Variants in GRID2 observed in about 807,000 individuals in gnomAD.
GRID2 encodes glutamate ionotropic receptor delta type subunit 2, also known as glutamate receptor ionotropic, delta-2.
In GRID2, 33 loss-of-function variants were observed where a neutral mutation model predicts 114.8. That is an observed-to-expected ratio of 0.29 (90% CI 0.22 to 0.38). GRID2 has a LOEUF of 0.38. Among genes scored for constraint, GRID2 ranks in the 10% least tolerant of loss-of-function variants. The pLI is 1.00. For synonymous variants in GRID2, 505 were observed against 449.9 expected (o/e 1.12, Z -1.55); for missense variants, 1,184 against 1,257.7 (o/e 0.94, Z 0.89).
intron 1 of GRID2, among the ~76,000 whole-genome samples, chr4:92,587,361 G>A (rs1040225084): frequency 6.6e-6 from 1 of 151,966 alleles, no homozygotes; most frequent in Non-Finnish European, 1.5e-5. Context: ...ATCTAGATTG[G>A]TAATATTTGT....
At chr4:92,638,392 T>A (rs911463362) in intron 2 of GRID2, among the ~76,000 whole-genome samples, 3 of 149,848 alleles carry the variant, frequency 2.0e-5, no homozygotes, top group African/African-American at 7.3e-5. Flanking sequence ...TCTTGTTAAA[T>A]AAGACTAATA....
chr4:92,444,356 C>T (rs34639512), intron 1 of GRID2, among the ~76,000 whole-genome samples: 11 of 150,932 alleles, frequency 7.3e-5, no homozygotes, highest in African/African-American at 1.7e-4. Flanking sequence ...GGTAGGTAAA[C>T]GAAAATTACA....
intron 2 of GRID2, among the ~76,000 whole-genome samples, chr4:92,635,124 C>T (rs138254087): frequency 3.3e-5 from 5 of 152,028 alleles, no homozygotes; most frequent in African/African-American, 1.2e-4. Context: ...GCTTGGTATC[C>T]GAGCCAAAGT....
At chr4:92,673,749 T>C (rs536033526) in intron 2 of GRID2, among the ~76,000 whole-genome samples, 3 of 152,156 alleles carry the variant, frequency 2.0e-5, no homozygotes, top group African/African-American at 7.2e-5. Context: ...TTTCTGTCCT[T>C]GTGAAAGTTT....
intron 1 of GRID2, among the ~76,000 whole-genome samples, chr4:92,317,690 A>T (rs1227925254): frequency 6.6e-6 from 1 of 152,220 alleles, no homozygotes; most frequent in African/African-American, 2.4e-5. Flanking sequence ...GAGAAGAAAT[A>T]GTTTTATTTT....
chr4:92,735,324 G>T (rs1050104471), intron 2 of GRID2, among the ~76,000 whole-genome samples: 1 of 151,976 alleles, frequency 6.6e-6, no homozygotes, highest in African/African-American at 2.4e-5. Context: ...CTAAGATAAA[G>T]TTTAATTTAT....
intron 8 of GRID2, among the ~76,000 whole-genome samples, chr4:93,317,986 AATATATATATATATATATATATATAT>A (rs58755199): frequency 5.9e-5 from 6 of 100,914 alleles, no homozygotes; most frequent in South Asian, 3.5e-4. Flanking sequence ...TTAAAAGTGA[AATATATATATATATATATATATATAT>A]ATATATATAT....
At chr4:92,409,998 A>G (rs1731219183) in intron 1 of GRID2, among the ~76,000 whole-genome samples, 1 of 152,190 alleles carries the variant, frequency 6.6e-6, no homozygotes, top group Non-Finnish European at 1.5e-5. Flanking sequence ...TAGTCTCTCT[A>G]GTTTGTGAGA....
chr4:93,432,388 C>T (rs1053539858), intron 10 of GRID2, among the ~76,000 whole-genome samples: 3 of 152,018 alleles, frequency 2.0e-5, no homozygotes, highest in African/African-American at 7.3e-5. Flanking sequence ...TGATCAGAGA[C>T]ATAAACTTGG....
intron 8 of GRID2, among the ~76,000 whole-genome samples, chr4:93,314,734 G>A (rs1756397927): frequency 8.7e-6 from 1 of 115,346 alleles, no homozygotes; most frequent in Non-Finnish European, 1.7e-5. Flanking sequence ...TGTACAACAC[G>A]ATGATTTCAC....
At chr4:92,832,369 CT>C (rs1184445754) in intron 2 of GRID2, among the ~76,000 whole-genome samples, 2 of 152,022 alleles carry the variant, frequency 1.3e-5, no homozygotes, top group Non-Finnish European at 2.9e-5. Flanking sequence ...AGGAGAATAT[CT>C]TTTTTTGTTG....
At chr4:93,072,640 G>T (rs1392690718) in intron 2 of GRID2, among the ~76,000 whole-genome samples, 3 of 150,632 alleles carry the variant, frequency 2.0e-5, no homozygotes, top group Non-Finnish European at 4.4e-5. Context: ...TTTCTTGGAG[G>T]TTTGCAACTA....
chr4:93,737,890 T>C (rs1731057433), intron 14 of GRID2, among the ~76,000 whole-genome samples: 1 of 152,188 alleles, frequency 6.6e-6, no homozygotes. Context: ...CTTTATTGTC[T>C]TATTGCAAGC....
At chr4:92,844,607 T>G (rs1743158656) in intron 2 of GRID2, among the ~76,000 whole-genome samples, 1 of 151,582 alleles carries the variant, frequency 6.6e-6, no homozygotes, top group African/African-American at 2.4e-5. Context: ...TCAGGATTGA[T>G]TGTAGCCTTT....
intron 8 of GRID2, among the ~76,000 whole-genome samples, chr4:93,327,719 G>T (rs1208432374): frequency 6.7e-6 from 1 of 150,266 alleles, no homozygotes; most frequent in Non-Finnish European, 1.5e-5. Context: ...TGGAAAGGTA[G>T]AAAATGGAGA....
intron 14 of GRID2, among the ~76,000 whole-genome samples, chr4:93,710,797 G>A (rs113384586): frequency 0.042 from 6,408 of 151,864 alleles, 218 homozygotes; most frequent in African/African-American, 0.085. Flanking sequence ...AAGTTGCAAG[G>A]CAAAGTCCTT....
chr4:93,567,713 G>A (rs571784363), intron 13 of GRID2, among the ~76,000 whole-genome samples: 13 of 152,258 alleles, frequency 8.5e-5, no homozygotes, highest in Non-Finnish European at 1.8e-4. Flanking sequence ...CTTTGCCCAT[G>A]GCTTGCTGAG....
intron 14 of GRID2, among the ~76,000 whole-genome samples, chr4:93,676,589 A>G (rs1317425025): frequency 6.6e-6 from 1 of 152,172 alleles, no homozygotes; most frequent in Non-Finnish European, 1.5e-5. Flanking sequence ...GTGTAACATA[A>G]TACAATGATA....
At chr4:93,543,987 G>A (rs748073925) in intron 13 of GRID2, among the ~76,000 whole-genome samples, 3 of 151,972 alleles carry the variant, frequency 2.0e-5, no homozygotes, top group Non-Finnish European at 4.4e-5. Context: ...TTTATCTATT[G>A]ACTCCTGAAT....
Sources: allele counts gnomAD v4.1 joint callset (sites outside exome capture counted in the v4.1 genomes callset), GRCh38; gene constraint gnomAD v4.1.1; transcripts MANE v1.5; gene names NCBI Gene and HGNC (gene_info 2026-07-23, HGNC 2026-07-21).